Variants in C10orf105 observed in about 807,000 individuals in gnomAD.
The protein encoded by C10orf105 is chromosome 10 open reading frame 105, also known as uncharacterized protein C10orf105.
Under a neutral mutation model 0.6 loss-of-function variants are expected in C10orf105, and 2 were observed. The ratio of observed to expected loss-of-function variants is 3.18; its 90% CI spans 1.30 to 10.01. C10orf105 has a LOEUF of 10.01. Among genes scored for constraint, C10orf105 ranks in the 30% most tolerant of loss-of-function variants. The probability of loss-of-function intolerance (pLI) is 0.04; values close to 1 mark genes in which losing one functional copy is unlikely to be tolerated. For synonymous variants in C10orf105, 95 were observed against 82.4 expected (o/e 1.15, Z -0.83); for missense variants, 209 against 191.4 (o/e 1.09, Z -0.54).
chr10:71,719,658 C>T lies in C10orf105; in HGVS notation c.-37G>A, dbSNP rs183895079. The T allele has an allele frequency of 9.2e-5, 14 of 152,940 alleles. No individual in the cohort carries two copies. The East Asian group carries it at 2.1e-3, about 23-fold the overall frequency. 9.5% of individuals were successfully genotyped at this position (152,940 alleles called of 1,614,324 possible). On this transcript the variant is annotated 5_prime_UTR_variant, in exon 1 of 2. Transcript: ENST00000441508. ...GCCAGACCCCAGCCGTCCGGAGCTC[C>T]GTGGAGAGGTCTTCTCAGCTGTGGA...
chr10:71,716,022 C>G lies in C10orf105; in HGVS notation c.316G>C (p.Gly106Arg). ...LRLSLHSFRH[G>R]RPTVPRQPLP... ...GGCTGTCGAGGGACGGTGGGCCGGC[C>G]ATGGCGGAAGCTGTGCAGGGAGAGG... Residue 106 changes from glycine to arginine, a missense_variant, in exon 2 of 2, where the codon GGC becomes CGC. Coordinates refer to ENST00000441508, the MANE Select transcript of C10orf105 (RefSeq NM_001164375.3). 1.3e-6 allele frequency: 2 copies of G among 1,501,530 alleles called. No individual in the cohort carries two copies. Among genetic ancestry groups the G allele is most frequent in the African/African-American group, 2.8e-5 (2 of 71,288 alleles). 93.0% of individuals were successfully genotyped at this position (1,501,530 alleles called of 1,614,324 possible).
At chr10:71,724,229 G>A (rs1468548238), upstream of C10orf105, 57 of 950,602 alleles carry the variant, frequency 6.0e-5, no homozygotes, top group Non-Finnish European at 8.4e-5. Flanking sequence ...TACATGGGGC[G>A]AGGCCAGAGG....
chr10:71,722,232 GGA>G (rs1866591133), upstream of C10orf105, among the ~76,000 whole-genome samples: 1 of 152,190 alleles, frequency 6.6e-6, no homozygotes. Flanking sequence ...CTTGAGCTCA[GGA>G]GTTCGAGACC....
At chr10:71,730,338 G>A in intron 1 of C10orf105, 1 of 1,159,838 alleles carries the variant, frequency 8.6e-7, no homozygotes, top group Non-Finnish European at 1.2e-6. Context: ...AGACAGGCCT[G>A]GGGTCCTAGA....
At chr10:71,725,488 C>T in intron 1 of C10orf105, 1 of 1,613,896 alleles carries the variant, frequency 6.2e-7, no homozygotes, top group Non-Finnish European at 8.5e-7. Flanking sequence ...GGCCTACAAC[C>T]ACGACCTGGG....
In C10orf105 at chr10:71,715,765, C is replaced by A; in HGVS notation, c.*171G>T. The A allele has an allele frequency of 1.8e-6, 1 of 545,358 alleles. No individual in the cohort carries two copies. 33.8% of individuals were successfully genotyped at this position (545,358 alleles called of 1,614,324 possible). A position where few individuals can be genotyped will look rare whatever the true frequency, so the allele number is the denominator to read the frequency against. ...GAGAGGAAGGTGCTCTTCTGAGGATCATCTTTGGGAAAGGGCGCTGGCCTG... is the reference window on the plus strand; with the variant it reads ...GAGAGGAAGGTGCTCTTCTGAGGATAATCTTTGGGAAAGGGCGCTGGCCTG... On this transcript the variant is annotated 3_prime_UTR_variant, in exon 2 of 2. Transcript: ENST00000441508.
chr10:71,728,165 T>A (rs1018659670), intron 1 of C10orf105, among the ~76,000 whole-genome samples: 6 of 151,752 alleles, frequency 4.0e-5, no homozygotes, highest in African/African-American at 1.5e-4. Context: ...CGAAAAAGAG[T>A]TCCTGAAATT....
At chr10:71,720,789 A>C (rs76193468), upstream of C10orf105, among the ~76,000 whole-genome samples, 455 of 152,318 alleles carry the variant, frequency 3.0e-3, 1 homozygote, top group African/African-American at 0.01. Context: ...GAGAGAAAAG[A>C]GCCCCCGTCT....
At chr10:71,737,510 A>G (rs1839599557) in intron 1 of C10orf105, among the ~76,000 whole-genome samples, 1 of 152,236 alleles carries the variant, frequency 6.6e-6, no homozygotes, top group Non-Finnish European at 1.5e-5. Context: ...AGGAAGAATG[A>G]CATGGAATTT....
intron 1 of C10orf105, chr10:71,725,378 A>G (rs1231275744): frequency 6.2e-7 from 1 of 1,613,972 alleles, no homozygotes. Context: ...ACAGGTAACC[A>G]TGGCAACAAC....
intron 1 of C10orf105, among the ~76,000 whole-genome samples, chr10:71,727,789 C>T (rs1197705054): frequency 6.6e-6 from 1 of 152,228 alleles, no homozygotes; most frequent in Non-Finnish European, 1.5e-5. Context: ...TGGACAGGCA[C>T]AGCACTGGAC....
In C10orf105 at chr10:71,725,575, C is replaced by A. The variant is rs1460089933; in HGVS notation, c.-5-9233G>T. On this transcript the variant is annotated intron_variant, in intron 1 of 1. Transcript: ENST00000398786. The stretch of plus-strand genomic sequence containing the variant: ...CCTCAGGACGGGGCCAAGCCCACAG[C>A]TAGAACAGAGAAGGCCATTAGTTGG... 6 of 1,569,832 alleles carry A rather than the reference C, an allele frequency of 3.8e-6. No individual in the cohort carries two copies. The African/African-American group carries it at 6.8e-5, about 18-fold the overall frequency.
chr10:71,715,611 C>T lies in C10orf105; in HGVS notation c.*325G>A. On this transcript the variant is annotated 3_prime_UTR_variant, in exon 2 of 2. Coordinates refer to ENST00000441508, the MANE Select transcript of C10orf105 (RefSeq NM_001164375.3). ...AAGGCTTCTGTGGCGAGCGAGGGTG[C>T]TGCTTCTAGGAGGTGGTTACGAGCC... 4.1e-6 allele frequency: 1 copy of T among 243,428 alleles called. No homozygotes were observed. Among genetic ancestry groups the T allele is most frequent in the Non-Finnish European group, 7.9e-6 (1 of 127,146 alleles). 15.1% of individuals were successfully genotyped at this position (243,428 alleles called of 1,614,324 possible).
chr10:71,734,600 C>A lies in C10orf105; in HGVS notation c.-6+3128G>T. The stretch of plus-strand genomic sequence containing the variant: ...TCTGGAAGAGCCACAGACGGCTAAC[C>A]ATTTGCATCTTTGCCTTTTCTCTCA... On this transcript the variant is annotated intron_variant, in intron 1 of 1. Transcript: ENST00000398786. 3.8e-6 allele frequency: 6 copies of A among 1,588,202 alleles called. No homozygotes were observed. The South Asian group carries it at 4.4e-5, about 12-fold the overall frequency.
Position 71,715,726 on chromosome 10 carries a change from C to T in C10orf105, c.*210G>A, listed in dbSNP as rs1866186032. Reference sequence around the variant, plus strand: ...CCAGAAGTCTTTCATCAAGCAGCAGCGAGGGGGTCTGCAGAGAGGAAGGTG... The same window carrying T: ...CCAGAAGTCTTTCATCAAGCAGCAGTGAGGGGGTCTGCAGAGAGGAAGGTG... On this transcript the variant is annotated 3_prime_UTR_variant, in exon 2 of 2. Coordinates refer to ENST00000441508, the MANE Select transcript of C10orf105 (RefSeq NM_001164375.3). 1 of 436,132 alleles carries T rather than the reference C, an allele frequency of 2.3e-6. No individual in the cohort carries two copies. Among genetic ancestry groups the T allele is most frequent in the East Asian group, 3.6e-5 (1 of 27,504 alleles). The allele number at this position is 436,132 out of a possible 1,614,324, so 27.0% of individuals were successfully genotyped here.
At chr10:71,734,695 T>C in intron 1 of C10orf105, 1 of 1,344,370 alleles carries the variant, frequency 7.4e-7, no homozygotes. Context: ...CCTGTGCTGT[T>C]GGCTGTGGCC....
intron 1 of C10orf105, among the ~76,000 whole-genome samples, chr10:71,733,845 G>A (rs191283207): frequency 1.1e-3 from 167 of 152,332 alleles, no homozygotes; most frequent in African/African-American, 3.8e-3. Flanking sequence ...AACGTGACAG[G>A]CCTTGTCCTA....
chr10:71,717,498 T>G (rs1467456003), intron 1 of C10orf105: 1 of 152,244 alleles, frequency 6.6e-6, no homozygotes, highest in Non-Finnish European at 1.5e-5. Context: ...CTGAAGATCA[T>G]CCCATTAGAC....
Position 71,713,204 on chromosome 10 carries a change from C to T in C10orf105, c.*2732G>A. ...AGAACAGAGCTGCTTTCACAGAGCC[C>T]TTGGCCGAGGCTCCCCTCTTGGGAA... On this transcript the variant is annotated 3_prime_UTR_variant, in exon 2 of 2. Transcript: ENST00000441508. 2 of 779,224 alleles carry T rather than the reference C, an allele frequency of 2.6e-6. No homozygotes were observed. The highest frequency in any genetic ancestry group is 2.4e-6 in the Non-Finnish European group (1 of 417,760). The allele number at this position is 779,224 out of a possible 1,614,324, so 48.3% of individuals were successfully genotyped here. A position where few individuals can be genotyped will look rare whatever the true frequency, so the allele number is the denominator to read the frequency against.
Sources: gnomAD v4.1 joint callset for allele counts (sites outside exome capture counted in the v4.1 genomes callset) on GRCh38, gnomAD v4.1.1 for gene constraint, MANE v1.5 for transcripts, NCBI Gene and HGNC (gene_info 2026-07-23, HGNC 2026-07-21) for gene names.